ACTR3C: variants seen among roughly 807,000 people sequenced by gnomAD.
ACTR3C encodes actin related protein 3C.
In ACTR3C, 18 loss-of-function variants were observed where a neutral mutation model predicts 26.3. The observed-to-expected ratio is 0.68, with a 90% CI of 0.47 to 1.01. ACTR3C has a LOEUF of 1.01. ACTR3C is among the 50% of genes least tolerant of loss of function. The pLI, the probability that ACTR3C is intolerant of heterozygous loss-of-function variation, is 0.00. For missense variants in ACTR3C, 184 were observed against 250.7 expected (o/e 0.73, Z 1.80); for synonymous variants, 55 against 94.5 (o/e 0.58, Z 2.42).
chr7:149,910,871 C>T, the ACTR3C span, among the ~76,000 whole-genome samples: 1 of 151,742 alleles, frequency 6.6e-6, no homozygotes, highest in African/African-American at 2.4e-5. Flanking sequence ...CAGCTCCCCT[C>T]AAATCACACA....
At chr7:150,281,105 C>T (rs1368918364) in intron 6 of ACTR3C, among the ~76,000 whole-genome samples, 1 of 152,076 alleles carries the variant, frequency 6.6e-6, no homozygotes, top group African/African-American at 2.4e-5. Context: ...TAGCCGAGGT[C>T]AGGAATCGGC....
the ACTR3C span, among the ~76,000 whole-genome samples, chr7:150,035,024 G>A: frequency 2.1e-5 from 3 of 143,180 alleles, no homozygotes; most frequent in African/African-American, 7.7e-5. Context: ...GCCAGGGGGG[G>A]AAGAGGGACT....
At chr7:150,261,288 A>T (rs576225911) in intron 6 of ACTR3C, among the ~76,000 whole-genome samples, 1 of 152,284 alleles carries the variant, frequency 6.6e-6, no homozygotes, top group South Asian at 2.1e-4. Context: ...CGGTTAGCAG[A>T]AAAGGAAATC....
chr7:149,986,419 C>T, the ACTR3C span, among the ~76,000 whole-genome samples: 7,222 of 152,164 alleles, frequency 0.047, 587 homozygotes, highest in African/African-American at 0.16. Context: ...GTATTCACCG[C>T]GAGGTAAGTA....
chr7:149,882,430 G>A, the ACTR3C span, among the ~76,000 whole-genome samples: 1 of 152,154 alleles, frequency 6.6e-6, no homozygotes, highest in Non-Finnish European at 1.5e-5. Context: ...CTGCTCTCTG[G>A]GCAGCCTCTG....
the ACTR3C span, among the ~76,000 whole-genome samples, chr7:150,230,120 G>A: frequency 2.0e-5 from 3 of 151,266 alleles, no homozygotes; most frequent in Non-Finnish European, 4.4e-5. Flanking sequence ...AGCTACTCGG[G>A]AGGCTGAGGC....
chr7:150,042,095 G>A, the ACTR3C span, among the ~76,000 whole-genome samples: 26 of 78,068 alleles, frequency 3.3e-4, no homozygotes, highest in Non-Finnish European at 5.7e-4. Context: ...TCCCTGCCTC[G>A]CGGGGGGTGC....
the ACTR3C span, among the ~76,000 whole-genome samples, chr7:150,055,098 C>A: frequency 6.6e-6 from 1 of 152,186 alleles, no homozygotes; most frequent in African/African-American, 2.4e-5. Flanking sequence ...ATAGCAGCAC[C>A]AAGTAGCATT....
In ACTR3C at chr7:150,249,056, T is replaced by G. The variant is rs1306713862; in HGVS notation, c.565-2A>C. 10 of 670,864 alleles carry G rather than the reference T, an allele frequency of 1.5e-5. No individual in the cohort carries two copies. Among genetic ancestry groups the G allele is most frequent in the Middle Eastern group, 2.4e-4 (1 of 4,236 alleles). The allele number at this position is 670,864 out of a possible 1,614,324, so 41.6% of individuals were successfully genotyped here. ...ATAGCTCAGTGGAATTTGTTCCATCTGAAAAACAGAGAAAACAGTTATAGG... is the reference window on the plus strand; with the variant it reads ...ATAGCTCAGTGGAATTTGTTCCATCGGAAAAACAGAGAAAACAGTTATAGG... On this transcript the variant is annotated splice_acceptor_variant, in intron 6 of 7. Coordinates refer to ENST00000683684, the MANE Select transcript of ACTR3C (RefSeq NM_001164458.2). LOFTEE classifies it high-confidence loss of function.
At chr7:150,208,647 G>T in the ACTR3C span, among the ~76,000 whole-genome samples, 5 of 152,264 alleles carry the variant, frequency 3.3e-5, no homozygotes, top group African/African-American at 1.2e-4. Context: ...GAAGGAATCA[G>T]ATTACTTCCA....
chr7:150,006,477 A>G, the ACTR3C span, among the ~76,000 whole-genome samples: 2,289 of 149,540 alleles, frequency 0.015, 44 homozygotes, highest in African/African-American at 0.048. Flanking sequence ...GATTACAGGC[A>G]TGAGCCACCG....
rs1011905894 is a variant in ACTR3C, at chr7:150,313,565, T to A, written c.-52+9904A>T. On this transcript the variant is annotated intron_variant, in intron 1 of 7. Transcript: ENST00000683684. ...TGTGTGGATGTTAATTCCGGTTAGC[T>A]CTTCCTGAAATCAAGAAGGGAGGGG... Among the ~76,000 whole-genome samples, 5 of 152,272 alleles carry A rather than the reference T, an allele frequency of 3.3e-5. No homozygotes were observed. The South Asian group carries it at 1.0e-3, about 32-fold the overall frequency.
chr7:150,314,980 AT>A (rs889676520), intron 1 of ACTR3C, among the ~76,000 whole-genome samples: 7 of 147,640 alleles, frequency 4.7e-5, no homozygotes, highest in African/African-American at 1.7e-4. Flanking sequence ...AAATAGTATT[AT>A]TTTTAATAAT....
At chr7:150,046,692 G>T in the ACTR3C span, among the ~76,000 whole-genome samples, 1 of 142,970 alleles carries the variant, frequency 7.0e-6, no homozygotes. Context: ...CAAAGAAAAA[G>T]CACAGTTTCC....
the ACTR3C span, chr7:150,041,218 G>C: frequency 6.6e-6 from 1 of 150,612 alleles, no homozygotes; most frequent in Non-Finnish European, 1.5e-5. Context: ...ACCCCTTTGT[G>C]ACCTCATACA....
At chr7:150,132,102 GGCT>G in the ACTR3C span, among the ~76,000 whole-genome samples, 1 of 152,194 alleles carries the variant, frequency 6.6e-6, no homozygotes, top group Non-Finnish European at 1.5e-5. Flanking sequence ...TGTCCTAGTG[GGCT>G]TAGCAATGGA....
intron 6 of ACTR3C, among the ~76,000 whole-genome samples, chr7:150,275,061 C>A (rs1412424842): frequency 1.3e-5 from 2 of 152,196 alleles, no homozygotes; most frequent in African/African-American, 4.8e-5. Flanking sequence ...TCACTCAAGC[C>A]AGCAGATTCT....
At chr7:150,071,446 A>C in the ACTR3C span, among the ~76,000 whole-genome samples, 1 of 148,878 alleles carries the variant, frequency 6.7e-6, no homozygotes, top group Non-Finnish European at 1.5e-5. Flanking sequence ...TTTCTAATCC[A>C]CCACTGCACT....
At chr7:149,917,610 T>C in the ACTR3C span, among the ~76,000 whole-genome samples, 1 of 147,320 alleles carries the variant, frequency 6.8e-6, no homozygotes, top group African/African-American at 2.5e-5. Context: ...GTAGAAATGT[T>C]ACATCTTAAA....
Sources: allele counts gnomAD v4.1 joint callset (sites outside exome capture counted in the v4.1 genomes callset), GRCh38; gene constraint gnomAD v4.1.1; transcripts MANE v1.5; gene names NCBI Gene and HGNC (gene_info 2026-07-23, HGNC 2026-07-21).